AGBL4: variants seen among roughly 807,000 people sequenced by gnomAD.
The protein encoded by AGBL4 is cytosolic carboxypeptidase 6.
Under a neutral mutation model 66.4 loss-of-function variants are expected in AGBL4, and 58 were observed. That is an observed-to-expected ratio of 0.87 (90% CI 0.71 to 1.09). AGBL4 has a LOEUF of 1.09. Among genes scored for constraint, AGBL4 ranks in the 50% least tolerant of loss-of-function variants. The pLI, the probability that AGBL4 is intolerant of heterozygous loss-of-function variation, is 0.00. For missense variants in AGBL4, 579 were observed against 631.0 expected (o/e 0.92, Z 0.88); for synonymous variants, 234 against 222.9 (o/e 1.05, Z -0.44).
intron 1 of AGBL4, among the ~76,000 whole-genome samples, chr1:49,955,422 A>C (rs1256343302): frequency 3.3e-5 from 5 of 152,010 alleles, no homozygotes; most frequent in Admixed American, 6.6e-5. Flanking sequence ...ATTTATTCCC[A>C]GAGGCTTCTG....
chr1:48,624,603 A>G (rs544474218), intron 9 of AGBL4, among the ~76,000 whole-genome samples: 11 of 152,358 alleles, frequency 7.2e-5, no homozygotes, highest in Admixed American at 2.0e-4. Flanking sequence ...TGATCAGTCA[A>G]CTGCTCAAGA....
At chr1:48,930,916 C>T (rs541998609) in intron 5 of AGBL4, among the ~76,000 whole-genome samples, 1 of 152,284 alleles carries the variant, frequency 6.6e-6, no homozygotes, top group African/African-American at 2.4e-5. Flanking sequence ...GGTTGCACAG[C>T]AATCTCATGG....
At chr1:48,820,996 G>C (rs576543860) in intron 6 of AGBL4, among the ~76,000 whole-genome samples, 178 of 152,130 alleles carry the variant, frequency 1.2e-3, no homozygotes, top group African/African-American at 4.1e-3. Context: ...ATAAACATAT[G>C]AAAAAATGCT....
At chr1:49,855,353 A>G (rs1646407344) in intron 1 of AGBL4, among the ~76,000 whole-genome samples, 1 of 152,170 alleles carries the variant, frequency 6.6e-6, no homozygotes, top group Non-Finnish European at 1.5e-5. Context: ...CATTGGACAC[A>G]TCATATAGAA....
intron 3 of AGBL4, among the ~76,000 whole-genome samples, chr1:49,499,740 T>TATATATATATATATATATATAC (rs1557998518): frequency 2.0e-5 from 3 of 150,942 alleles, no homozygotes; most frequent in South Asian, 4.2e-4. Context: ...TATATATATA[T>TATATATATATATATATATATAC]ACACACATAT....
Position 49,556,974 on chromosome 1 carries a change from C to T in AGBL4, c.282+140339G>A, listed in dbSNP as rs1248148988. 2.6e-5 allele frequency among the ~76,000 whole-genome samples: 4 copies of T among 152,124 alleles called. No homozygotes were observed. The South Asian group carries it at 8.3e-4, about 32-fold the overall frequency. On this transcript the variant is annotated intron_variant, in intron 3 of 13. Coordinates refer to ENST00000371839, the MANE Select transcript of AGBL4 (RefSeq NM_032785.4). Reference sequence around the variant, plus strand: ...TAAGCCCCTCACTGCCTGGGGCCGGCGGTGCCTGCCGGCTGCTAGCTGCTC... The same window carrying T: ...TAAGCCCCTCACTGCCTGGGGCCGGTGGTGCCTGCCGGCTGCTAGCTGCTC...
chr1:48,527,275 G>T, the AGBL4 span, among the ~76,000 whole-genome samples: 29,683 of 151,938 alleles, frequency 0.2, 3,693 homozygotes, highest in Middle Eastern at 0.31. Flanking sequence ...ATGATAGTGG[G>T]GGAGGTGACA....
chr1:49,252,436 G>T (rs1471097722), intron 3 of AGBL4, among the ~76,000 whole-genome samples: 1 of 152,132 alleles, frequency 6.6e-6, no homozygotes, highest in Non-Finnish European at 1.5e-5. Context: ...ACAACTGACT[G>T]GTTGTCCCTG....
chr1:49,306,985 T>C (rs1488397227), intron 3 of AGBL4, among the ~76,000 whole-genome samples: 1 of 152,156 alleles, frequency 6.6e-6, no homozygotes, highest in Non-Finnish European at 1.5e-5. Context: ...AGCTCTGCTG[T>C]TCTGTACACT....
chr1:49,284,439 C>T (rs370043682), intron 3 of AGBL4, among the ~76,000 whole-genome samples: 6 of 152,116 alleles, frequency 3.9e-5, no homozygotes, highest in South Asian at 2.1e-4. Flanking sequence ...TAAAGACCAT[C>T]GAGACTAGGA....
chr1:48,940,826 G>T (rs1378929520), intron 5 of AGBL4, among the ~76,000 whole-genome samples: 1 of 152,162 alleles, frequency 6.6e-6, no homozygotes, highest in Non-Finnish European at 1.5e-5. Context: ...AGATTCAATT[G>T]TCCTTTCTAT....
At chr1:49,550,959 A>G (rs1026269738) in intron 3 of AGBL4, among the ~76,000 whole-genome samples, 2 of 152,094 alleles carry the variant, frequency 1.3e-5, no homozygotes, top group Non-Finnish European at 2.9e-5. Context: ...GTCATTTAAC[A>G]TAATCCCAGA....
At chr1:49,288,686 G>A (rs1205468772) in intron 3 of AGBL4, among the ~76,000 whole-genome samples, 1 of 152,146 alleles carries the variant, frequency 6.6e-6, no homozygotes, top group African/African-American at 2.4e-5. Flanking sequence ...AAGACAGTTT[G>A]GAGTTCAAGG....
At chr1:48,771,737 C>T (rs896605402) in intron 6 of AGBL4, among the ~76,000 whole-genome samples, 4 of 152,214 alleles carry the variant, frequency 2.6e-5, no homozygotes, top group African/African-American at 9.6e-5. Context: ...TCACTGCTAA[C>T]TTTGTAGAAG....
At chr1:49,514,446 A>G (rs1213058190) in intron 3 of AGBL4, among the ~76,000 whole-genome samples, 1 of 152,024 alleles carries the variant, frequency 6.6e-6, no homozygotes, top group Non-Finnish European at 1.5e-5. Flanking sequence ...AATATCGTGA[A>G]AATGGCCATA....
chr1:49,070,169 C>T (rs543529220), intron 4 of AGBL4, among the ~76,000 whole-genome samples: 44 of 152,072 alleles, frequency 2.9e-4, no homozygotes, highest in South Asian at 1.9e-3. Context: ...ACAATCATGT[C>T]ATCTGCAAAC....
chr1:49,040,814 T>C (rs1643919957), intron 5 of AGBL4, among the ~76,000 whole-genome samples: 1 of 152,062 alleles, frequency 6.6e-6, no homozygotes, highest in Non-Finnish European at 1.5e-5. Flanking sequence ...TTTGAGATGA[T>C]GGAAATGTTC....
chr1:49,357,189 C>T (rs1220558222), intron 3 of AGBL4, among the ~76,000 whole-genome samples: 1 of 152,186 alleles, frequency 6.6e-6, no homozygotes, highest in Non-Finnish European at 1.5e-5. Flanking sequence ...CAGGCTGTTT[C>T]CCTCCCTCCT....
intron 4 of AGBL4, among the ~76,000 whole-genome samples, chr1:49,121,628 C>A (rs1212996414): frequency 1.3e-5 from 2 of 152,200 alleles, no homozygotes; most frequent in African/African-American, 4.8e-5. Flanking sequence ...TCGGCCCCTA[C>A]TGGGAGGCGT....
Sources: allele counts gnomAD v4.1 joint callset (sites outside exome capture counted in the v4.1 genomes callset), GRCh38; gene constraint gnomAD v4.1.1; transcripts MANE v1.5; gene names NCBI Gene and HGNC (gene_info 2026-07-23, HGNC 2026-07-21).